The following ASB3 variants were observed in gnomAD, a reference collection of about 807,000 sequenced individuals.
The protein encoded by ASB3 is ankyrin repeat and SOCS box protein 3.
Under a neutral mutation model 54.5 loss-of-function variants are expected in ASB3, and 41 were observed. That is an observed-to-expected ratio of 0.75 (90% CI 0.59 to 0.98). ASB3 has a LOEUF of 0.98. Ranked by LOEUF, ASB3 falls within the 50% of genes least tolerant of loss-of-function variation. The probability of loss-of-function intolerance (pLI) is 0.00; values close to 1 mark genes in which losing one functional copy is unlikely to be tolerated. For synonymous variants in ASB3, 266 were observed against 221.2 expected, an observed-to-expected ratio of 1.20 and a Z score of -1.80; for missense variants, 733 against 620.0, an observed-to-expected ratio of 1.18 and a Z score of -1.94.
chr2:53,743,166 T>A (rs1004363898), intron 3 of ASB3, among the ~76,000 whole-genome samples: 11 of 27,748 alleles, frequency 4.0e-4, no homozygotes, highest in Non-Finnish European at 9.6e-4. Flanking sequence ...TTTTTTACCT[T>A]TTTTTTTTTT....
At chr2:53,730,660 C>G (rs1671255283) in intron 3 of ASB3, among the ~76,000 whole-genome samples, 1 of 152,188 alleles carries the variant, frequency 6.6e-6, no homozygotes, top group Admixed American at 6.5e-5. Context: ...ACACTCCCAT[C>G]AACTGTGTAT....
Position 53,670,708 on chromosome 2 carries a change from G to T in ASB3, c.1370-18C>A. The T allele has an allele frequency of 6.3e-7, 1 of 1,589,310 alleles. No homozygotes were observed. The highest frequency in any genetic ancestry group is 1.1e-5 in the South Asian group (1 of 87,588). On this transcript the variant is annotated intron_variant, in intron 9 of 9. Transcript: ENST00000263634. ...AACAGTGGCTGGAGAAACAAAAAAA[G>T]CAAGGTGAAACTTTTTTAAACAGAA...
rs1024480178 is a variant in ASB3 at position 53,670,113 on chromosome 2, T to G, written c.*390A>C. On this transcript the variant is annotated 3_prime_UTR_variant, in exon 10 of 10. Transcript: ENST00000263634. ...CTTTATGCATTCCATTCTGAGCTCCTAATACCAGGTAAACACGAATCATAG... is the reference window on the plus strand; with the variant it reads ...CTTTATGCATTCCATTCTGAGCTCCGAATACCAGGTAAACACGAATCATAG... The G allele has an allele frequency of 5.8e-6, 1 of 172,226 alleles. No individual in the cohort carries two copies. The highest frequency in any genetic ancestry group is 1.2e-5 in the Non-Finnish European group (1 of 82,058). The allele number at this position is 172,226 out of a possible 1,614,324, so 10.7% of individuals were successfully genotyped here. A position where few individuals can be genotyped will look rare whatever the true frequency, so the allele number is the denominator to read the frequency against.
intron 1 of ASB3, among the ~76,000 whole-genome samples, chr2:53,782,400 A>T (rs1399799492): frequency 1.3e-5 from 2 of 152,132 alleles, no homozygotes; most frequent in African/African-American, 4.8e-5. Flanking sequence ...AGCAATGTAG[A>T]AGACATTCTT....
chr2:53,773,471 C>A (rs1328585460), intron 1 of ASB3, among the ~76,000 whole-genome samples: 1 of 152,046 alleles, frequency 6.6e-6, no homozygotes, highest in Non-Finnish European at 1.5e-5. Flanking sequence ...CACTCTATAA[C>A]CCAGGCTTGA....
At chr2:53,779,308 G>C (rs922946554) in intron 1 of ASB3, among the ~76,000 whole-genome samples, 3 of 152,106 alleles carry the variant, frequency 2.0e-5, no homozygotes, top group African/African-American at 7.2e-5. Flanking sequence ...TGTATGGCTT[G>C]CAAATATTTC....
intron 2 of ASB3, among the ~76,000 whole-genome samples, chr2:53,761,627 A>G (rs1673153007): frequency 6.6e-6 from 1 of 152,106 alleles, no homozygotes; most frequent in Admixed American, 6.5e-5. Flanking sequence ...AGGCCTTCAG[A>G]CTTAGGGTGA....
intron 6 of ASB3, among the ~76,000 whole-genome samples, chr2:53,715,570 A>T (rs1670341868): frequency 6.6e-6 from 1 of 152,184 alleles, no homozygotes. Context: ...TACAATATCT[A>T]ACACTTATGT....
At chr2:53,759,643 C>A (rs1257123900) in intron 2 of ASB3, among the ~76,000 whole-genome samples, 2 of 152,252 alleles carry the variant, frequency 1.3e-5, no homozygotes, top group Middle Eastern at 3.4e-3. Flanking sequence ...GGCTCTGGAA[C>A]AGGGAAAGGC....
At chr2:53,768,098 C>T (rs995939108) in intron 1 of ASB3, 1 of 1,537,476 alleles carries the variant, frequency 6.5e-7, no homozygotes, top group Non-Finnish European at 8.9e-7. Flanking sequence ...CACCCACACC[C>T]TAGAGAACCA....
intron 1 of ASB3, among the ~76,000 whole-genome samples, chr2:53,777,698 G>A (rs376256649): frequency 5.6e-4 from 85 of 152,270 alleles, no homozygotes; most frequent in South Asian, 3.3e-3. Context: ...CTTAGTCCAG[G>A]AGAAAAATAA....
chr2:53,714,237 A>G (rs1304040297), intron 7 of ASB3, 147 bp downstream of exon 7: 1 of 981,732 alleles, frequency 1.0e-6, no homozygotes, highest in African/African-American at 1.6e-5. Flanking sequence ...TGACTGAAAC[A>G]TCATAGTTTT....
intron 1 of ASB3, chr2:53,774,419 A>G: frequency 6.2e-7 from 1 of 1,612,608 alleles, no homozygotes; most frequent in Non-Finnish European, 8.5e-7. Flanking sequence ...GAACTTGCAA[A>G]TTCTATTAGG....
chr2:53,739,231 G>A (rs1050740368), intron 3 of ASB3, among the ~76,000 whole-genome samples: 4 of 152,134 alleles, frequency 2.6e-5, no homozygotes, highest in African/African-American at 9.7e-5. Flanking sequence ...AGGAAATTGA[G>A]AAACTAGAAG....
intron 9 of ASB3, among the ~76,000 whole-genome samples, chr2:53,684,468 T>G (rs1442213722): frequency 2.6e-5 from 4 of 152,174 alleles, no homozygotes; most frequent in Non-Finnish European, 5.9e-5. Flanking sequence ...AGACGAACAG[T>G]TTTAGGATCA....
chr2:53,723,988 GA>G (rs941628663), intron 5 of ASB3, among the ~76,000 whole-genome samples: 25 of 150,666 alleles, frequency 1.7e-4, no homozygotes, highest in Admixed American at 1.2e-3. Flanking sequence ...ATCCTAGTTA[GA>G]AAAAAAAATG....
rs1036535676 is a variant in ASB3 at position 53,700,625 on chromosome 2, A to T, written c.981-97T>A. 46 of 1,447,670 alleles carry T rather than the reference A, an allele frequency of 3.2e-5. 1 individual carries two copies. The highest frequency in any genetic ancestry group is 4.0e-5 in the Non-Finnish European group (44 of 1,093,012). 89.7% of individuals were successfully genotyped at this position (1,447,670 alleles called of 1,614,324 possible). A position where few individuals can be genotyped will look rare whatever the true frequency, so the allele number is the denominator to read the frequency against. On this transcript the variant is annotated intron_variant, in intron 7 of 9. Coordinates refer to ENST00000263634, the MANE Select transcript of ASB3 (RefSeq NM_016115.5). The stretch of plus-strand genomic sequence containing the variant: ...TAATAGTAGTTACAGCTGGGGAATA[A>T]GTATGGCAGATTAAATAGTGGATGG...
chr2:53,733,950 C>T (rs565917581), intron 3 of ASB3, among the ~76,000 whole-genome samples: 9 of 152,248 alleles, frequency 5.9e-5, no homozygotes, highest in Admixed American at 2.0e-4. Context: ...AAGGGATGGG[C>T]GGAAATAAAG....
chr2:53,760,769 G>A (rs191203877), intron 2 of ASB3, among the ~76,000 whole-genome samples: 18 of 152,236 alleles, frequency 1.2e-4, no homozygotes, highest in Admixed American at 2.0e-4. Context: ...GAAGTGTGCC[G>A]AAGAAATAAT....
Sources: gnomAD v4.1 joint callset for allele counts (sites outside exome capture counted in the v4.1 genomes callset) on GRCh38, gnomAD v4.1.1 for gene constraint, MANE v1.5 for transcripts, NCBI Gene and HGNC (gene_info 2026-07-23, HGNC 2026-07-21) for gene names.